The following STK3 variants were observed in gnomAD, a reference collection of about 807,000 sequenced individuals.
The protein encoded by STK3 is serine/threonine kinase 3.
A neutral mutation model predicts 58.0 loss-of-function variants in STK3; 41 were observed. That is an observed-to-expected ratio of 0.71 (90% CI 0.55 to 0.92). The LOEUF (loss-of-function observed/expected upper bound fraction) is 0.92. Ranked by LOEUF, STK3 falls within the 40% of genes least tolerant of loss-of-function variation. The pLI, the probability that STK3 is intolerant of heterozygous loss-of-function variation, is 0.00. For synonymous variants in STK3, 170 were observed against 191.0 expected, an observed-to-expected ratio of 0.89 and a Z score of 0.91; for missense variants, 479 against 602.7, an observed-to-expected ratio of 0.79 and a Z score of 2.15.
At chr8:98,934,960 A>T (rs1796038103) in intron 1 of STK3, among the ~76,000 whole-genome samples, 2 of 151,970 alleles carry the variant, frequency 1.3e-5, no homozygotes, top group African/African-American at 4.9e-5. Flanking sequence ...CATGACATAT[A>T]TAAAGAGCAA....
intron 3 of STK3, among the ~76,000 whole-genome samples, chr8:98,433,561 C>T (rs1277152391): frequency 8.0e-6 from 1 of 124,572 alleles, no homozygotes; most frequent in Non-Finnish European, 1.8e-5. Flanking sequence ...CTCCAAGCCT[C>T]ACCTTCCACT....
intron 1 of STK3, among the ~76,000 whole-genome samples, chr8:98,911,032 G>C (rs1024638519): frequency 6.6e-6 from 1 of 152,150 alleles, no homozygotes; most frequent in Non-Finnish European, 1.5e-5. Context: ...GCAGTTTTGT[G>C]GACTGCTGGA....
intron 8 of STK3, among the ~76,000 whole-genome samples, chr8:98,557,506 G>C (rs541181927): frequency 6.6e-6 from 1 of 152,002 alleles, no homozygotes; most frequent in Non-Finnish European, 1.5e-5. Context: ...GCCCACAGTA[G>C]ATCAACTGGT....
At chr8:98,689,840 T>C (rs1692612899) in intron 6 of STK3, among the ~76,000 whole-genome samples, 1 of 152,100 alleles carries the variant, frequency 6.6e-6, no homozygotes, top group Non-Finnish European at 1.5e-5. Flanking sequence ...AAAAAATTAA[T>C]TCACCACCAT....
downstream of STK3, among the ~76,000 whole-genome samples, chr8:98,366,948 A>G (rs1172940105): frequency 1.3e-5 from 2 of 152,240 alleles, no homozygotes; most frequent in Admixed American, 6.5e-5. Flanking sequence ...GTCAATGCCT[A>G]TTTTGCCAAT....
chr8:98,355,576 G>T, the STK3 span, among the ~76,000 whole-genome samples: 2 of 152,226 alleles, frequency 1.3e-5, no homozygotes, highest in Non-Finnish European at 1.5e-5. Flanking sequence ...AAGAAGTGCA[G>T]GAACTGGGCA....
intron 3 of STK3, among the ~76,000 whole-genome samples, chr8:98,854,834 T>C (rs568443506): frequency 6.6e-6 from 1 of 152,252 alleles, no homozygotes; most frequent in African/African-American, 2.4e-5. Context: ...GGTGGGCAGA[T>C]CACTTTGAGG....
At position 98,800,871 on chromosome 8, in the gene STK3, C is replaced by G. The variant is rs575878116; in HGVS notation, c.26+24644G>C. On this transcript the variant is annotated intron_variant, in intron 1 of 10. Transcript: ENST00000419617. This position sits in a 1 kb window ranked among gnomAD's most constrained non-coding sequence, Gnocchi z 4.8. ...CAGCCCCCCATGCCAGAGCCCCCCC[C>G]ACCAAGGTGGGCTCCCGTGCAGCCG... Among the ~76,000 whole-genome samples the G allele has an allele frequency of 1.8e-4, 27 of 152,360 alleles. No individual in the cohort carries two copies. The highest frequency in any genetic ancestry group is 7.7e-4 in the East Asian group (4 of 5,180).
intron 6 of STK3, among the ~76,000 whole-genome samples, chr8:98,686,528 T>G (rs1009371559): frequency 3.9e-5 from 6 of 152,126 alleles, no homozygotes; most frequent in African/African-American, 1.2e-4. Flanking sequence ...AAAGATTCAT[T>G]AAAAATTATT....
At chr8:98,637,290 T>C (rs1184710082) in intron 6 of STK3, among the ~76,000 whole-genome samples, 1 of 152,122 alleles carries the variant, frequency 6.6e-6, no homozygotes, top group Non-Finnish European at 1.5e-5. Flanking sequence ...ACCAAAACTA[T>C]GCAATATTCT....
At chr8:98,879,976 A>G (rs1837735667), downstream of STK3, 1 of 152,188 alleles carries the variant, frequency 6.6e-6, no homozygotes, top group Non-Finnish European at 1.5e-5. Flanking sequence ...ATAAATATAA[A>G]ATAGGCTGGG....
chr8:98,798,902 C>T (rs1044808349), intron 1 of STK3, among the ~76,000 whole-genome samples: 3 of 152,222 alleles, frequency 2.0e-5, no homozygotes, highest in Admixed American at 6.5e-5. Context: ...TCACCCCTGT[C>T]CTTTCACAAT....
chr8:98,853,643 T>A (rs181992779), intron 3 of STK3, among the ~76,000 whole-genome samples: 10 of 152,338 alleles, frequency 6.6e-5, no homozygotes, highest in Non-Finnish European at 1.3e-4. Flanking sequence ...CTAGCCACAC[T>A]CATTTGTGCT....
chr8:98,626,892 G>C (rs1277828526), intron 6 of STK3, among the ~76,000 whole-genome samples: 2 of 152,170 alleles, frequency 1.3e-5, no homozygotes, highest in Non-Finnish European at 1.5e-5. Context: ...GCTCCACACT[G>C]CTTTCTGTAT....
intron 3 of STK3, chr8:98,413,496 C>A: frequency 1.6e-6 from 1 of 623,684 alleles, no homozygotes. Context: ...GTGCCGAAGT[C>A]CATTTGTGAC....
At position 98,579,174 on chromosome 8, in the gene STK3, C is replaced by T. The variant is rs1024795445; in HGVS notation, c.948+490G>A. 6.6e-5 allele frequency among the ~76,000 whole-genome samples: 10 copies of T among 152,032 alleles called. No homozygotes were observed. The East Asian group carries it at 1.9e-3, about 29-fold the overall frequency. ...TCAAAAAAAAAAGTATTAGACACTACAAAATGTGGTAAATAAATACAATTA... is the reference window on the plus strand; with the variant it reads ...TCAAAAAAAAAAGTATTAGACACTATAAAATGTGGTAAATAAATACAATTA... On this transcript the variant is annotated intron_variant, in intron 8 of 10. Coordinates refer to ENST00000419617, the MANE Select transcript of STK3 (RefSeq NM_006281.4).
At chr8:98,736,002 A>T (rs970189679) in intron 4 of STK3, among the ~76,000 whole-genome samples, 2 of 149,092 alleles carry the variant, frequency 1.3e-5, no homozygotes, top group Admixed American at 6.6e-5. Context: ...AATAAAACAT[A>T]AAAAAAAGGC....
intron 10 of STK3, among the ~76,000 whole-genome samples, chr8:98,502,491 A>G (rs1398489113): frequency 6.6e-6 from 1 of 152,228 alleles, no homozygotes; most frequent in Non-Finnish European, 1.5e-5. Flanking sequence ...GCAAGTTTTC[A>G]AAGGGAATGC....
At chr8:98,735,140 A>G (rs1323515000) in intron 4 of STK3, among the ~76,000 whole-genome samples, 1 of 152,178 alleles carries the variant, frequency 6.6e-6, no homozygotes, top group East Asian at 1.9e-4. Flanking sequence ...CCACAAAAAT[A>G]TAACACTGAA....
Sources: gnomAD v4.1 joint callset for allele counts (sites outside exome capture counted in the v4.1 genomes callset) on GRCh38, gnomAD v4.1.1 for gene constraint, Gnocchi (gnomAD v3.1) non-coding constraint, MANE v1.5 for transcripts, NCBI Gene and HGNC (gene_info 2026-07-23, HGNC 2026-07-21) for gene names.